The following MMP16 variants were observed in gnomAD, a reference collection of about 807,000 sequenced individuals.
MMP16 encodes the protein matrix metalloproteinase-16.
MMP16 carries 12 observed loss-of-function variants against 67.8 expected under a neutral mutation model. That is an observed-to-expected ratio of 0.18 (90% CI 0.11 to 0.29). The LOEUF is 0.29. Ranked by LOEUF, MMP16 falls within the 10% of genes least tolerant of loss-of-function variation. The probability of loss-of-function intolerance (pLI) is 1.00; values close to 1 mark genes in which losing one functional copy is unlikely to be tolerated. For synonymous variants in MMP16, 249 were observed against 255.9 expected, an observed-to-expected ratio of 0.97 and a Z score of 0.26; for missense variants, 475 against 765.7, an observed-to-expected ratio of 0.62 and a Z score of 4.48.
chr8:88,073,764 T>C (rs1808601467), intron 7 of MMP16, among the ~76,000 whole-genome samples: 1 of 152,156 alleles, frequency 6.6e-6, no homozygotes, highest in African/African-American at 2.4e-5. Flanking sequence ...TTTTGAGGGA[T>C]TAAGATCCCC....
intron 1 of MMP16, among the ~76,000 whole-genome samples, chr8:88,278,298 C>T (rs980008261): frequency 2.6e-5 from 4 of 152,048 alleles, no homozygotes; most frequent in African/African-American, 9.7e-5. Context: ...AGAACATGTC[C>T]ACTGCTTGAG....
chr8:88,243,471 T>G (rs2129906239), intron 1 of MMP16, among the ~76,000 whole-genome samples: 1 of 152,286 alleles, frequency 6.6e-6, no homozygotes, highest in Middle Eastern at 3.4e-3. Flanking sequence ...CCGGTCATTC[T>G]TGAGACCAAA....
chr8:88,074,376 C>T (rs552419743), intron 7 of MMP16, among the ~76,000 whole-genome samples: 7 of 151,924 alleles, frequency 4.6e-5, no homozygotes, highest in African/African-American at 1.7e-4. Flanking sequence ...TAAGTCAAAT[C>T]TAAAAGTTCT....
At chr8:88,298,147 T>C (rs7003179) in intron 1 of MMP16, among the ~76,000 whole-genome samples, 21,401 of 152,082 alleles carry the variant, frequency 0.14, 2,083 homozygotes, top group African/African-American at 0.26. Context: ...GTAAGAAAGG[T>C]AATAAAAGAT....
At chr8:88,240,165 C>G (rs1810012555) in intron 1 of MMP16, among the ~76,000 whole-genome samples, 1 of 152,148 alleles carries the variant, frequency 6.6e-6, no homozygotes, top group South Asian at 2.1e-4. Context: ...GGACATGAAC[C>G]CTTTCTGTGT....
chr8:88,234,720 C>G (rs1250651732), intron 1 of MMP16, among the ~76,000 whole-genome samples: 2 of 152,200 alleles, frequency 1.3e-5, no homozygotes, highest in African/African-American at 4.8e-5. Flanking sequence ...ATAAAGCCAA[C>G]CTGCTGTAAA....
intron 7 of MMP16, among the ~76,000 whole-genome samples, chr8:88,071,198 A>C (rs918225729): frequency 6.6e-6 from 1 of 152,142 alleles, no homozygotes; most frequent in Non-Finnish European, 1.5e-5. Flanking sequence ...AAGATTTATA[A>C]AAGTTTGAAT....
At chr8:88,081,908 T>TA (rs1491119097) in intron 6 of MMP16, among the ~76,000 whole-genome samples, 1 of 152,002 alleles carries the variant, frequency 6.6e-6, no homozygotes, top group Non-Finnish European at 1.5e-5. Flanking sequence ...CTGTTTTTCT[T>TA]AAAAAACAAC....
At chr8:88,188,289 A>G (rs895767580) in intron 2 of MMP16, among the ~76,000 whole-genome samples, 2 of 152,232 alleles carry the variant, frequency 1.3e-5, no homozygotes, top group African/African-American at 4.8e-5. Flanking sequence ...GTCTCAAAAA[A>G]TTATAATATT....
At chr8:88,230,109 T>C (rs905802668) in intron 1 of MMP16, among the ~76,000 whole-genome samples, 4 of 152,096 alleles carry the variant, frequency 2.6e-5, no homozygotes, top group Admixed American at 2.0e-4. Context: ...CATCATCATT[T>C]TGACATATCT....
intron 3 of MMP16, 170 bp downstream of exon 3, chr8:88,186,306 T>A (rs1586195335): frequency 4.2e-6 from 3 of 721,016 alleles, no homozygotes; most frequent in East Asian, 5.3e-5. Flanking sequence ...ACATAGGGTG[T>A]CTAATGAACA....
At chr8:88,237,718 A>G (rs186090379) in intron 1 of MMP16, among the ~76,000 whole-genome samples, 3 of 152,286 alleles carry the variant, frequency 2.0e-5, no homozygotes, top group East Asian at 1.9e-4. Context: ...CACGTACACG[A>G]AGCAAAGTAT....
intron 4 of MMP16, among the ~76,000 whole-genome samples, chr8:88,135,191 G>A (rs1187007914): frequency 6.6e-6 from 1 of 151,638 alleles, no homozygotes; most frequent in Admixed American, 6.6e-5. Flanking sequence ...CATTTATTGA[G>A]TATTAGATTA....
Position 88,077,944 on chromosome 8 carries a change from T to C in MMP16, c.1084-3201A>G, listed in dbSNP as rs149950503. 4.7e-3 allele frequency among the ~76,000 whole-genome samples: 722 copies of C among 152,290 alleles called. 3 individuals are homozygous for C. Among genetic ancestry groups the C allele is most frequent in the Non-Finnish European group, 8.4e-3 (570 of 68,024 alleles). On this transcript the variant is annotated intron_variant, in intron 6 of 9. Transcript: ENST00000286614. Reference sequence around the variant, plus strand: ...TTTCACCCTTCTAAACAACATAAGTTTGGTTTTTGTTTTAGATGGGGAGGG... The same window carrying C: ...TTTCACCCTTCTAAACAACATAAGTCTGGTTTTTGTTTTAGATGGGGAGGG...
intron 3 of MMP16, among the ~76,000 whole-genome samples, chr8:88,179,249 A>T (rs887603415): frequency 6.6e-6 from 1 of 152,104 alleles, no homozygotes; most frequent in African/African-American, 2.4e-5. Flanking sequence ...AAAGATACCA[A>T]TTCTATTAAA....
At chr8:88,151,816 G>C (rs1156823780) in intron 4 of MMP16, among the ~76,000 whole-genome samples, 1 of 140,812 alleles carries the variant, frequency 7.1e-6, no homozygotes, top group African/African-American at 2.7e-5. Flanking sequence ...AGAAAAGCAA[G>C]AGCAAACACA....
chr8:88,315,559 GA>G (rs1216681004), intron 1 of MMP16, among the ~76,000 whole-genome samples: 3 of 152,076 alleles, frequency 2.0e-5, no homozygotes, highest in Admixed American at 2.0e-4. Flanking sequence ...AATTGTTTCA[GA>G]GTACCACAAA....
At chr8:88,158,324 C>G (rs924264874) in intron 4 of MMP16, among the ~76,000 whole-genome samples, 21 of 152,172 alleles carry the variant, frequency 1.4e-4, no homozygotes, top group Admixed American at 3.3e-4. Context: ...CACATCCTCT[C>G]CAGCACCTGT....
At chr8:88,139,525 TTC>T (rs28907603) in intron 4 of MMP16, among the ~76,000 whole-genome samples, 7,118 of 152,156 alleles carry the variant, frequency 0.047, 358 homozygotes, top group East Asian at 0.19. Context: ...AGCTTTTGTA[TTC>T]TCTGTCTACA....
Sources: allele counts gnomAD v4.1 joint callset (sites outside exome capture counted in the v4.1 genomes callset), GRCh38; gene constraint gnomAD v4.1.1; transcripts MANE v1.5; gene names NCBI Gene and HGNC (gene_info 2026-07-23, HGNC 2026-07-21).